CDC73: variants seen among roughly 807,000 people sequenced by gnomAD.
The protein encoded by CDC73 is cell division cycle 73, also known as parafibromin.
A neutral mutation model predicts 83.7 loss-of-function variants in CDC73; 21 were observed. The observed-to-expected ratio is 0.25, with a 90% confidence interval of 0.18 to 0.36. CDC73 has a LOEUF of 0.36. Ranked by LOEUF, CDC73 falls within the 10% of genes least tolerant of loss-of-function variation. The probability of loss-of-function intolerance (pLI) is 1.00; values close to 1 mark genes in which losing one functional copy is unlikely to be tolerated. For missense variants in CDC73, 342 were observed against 653.3 expected (o/e 0.52, Z 5.19); for synonymous variants, 224 against 212.9 (o/e 1.05, Z -0.45).
chr1:193,241,551 G>A (rs1473323821), intron 15 of CDC73, among the ~76,000 whole-genome samples: 2 of 152,216 alleles, frequency 1.3e-5, no homozygotes, highest in African/African-American at 4.8e-5. Flanking sequence ...CAGTAGCAGT[G>A]AAGGGGCAAC....
At chr1:193,235,709 A>G (rs1172531724) in intron 14 of CDC73, among the ~76,000 whole-genome samples, 1 of 152,208 alleles carries the variant, frequency 6.6e-6, no homozygotes, top group Non-Finnish European at 1.5e-5. Context: ...AACAATTGCA[A>G]AAATTATAAA....
intron 13 of CDC73, among the ~76,000 whole-genome samples, chr1:193,227,799 A>G (rs1465694997): frequency 6.6e-6 from 1 of 152,198 alleles, no homozygotes; most frequent in Non-Finnish European, 1.5e-5. Flanking sequence ...ATTATTATAT[A>G]TTGATAGGCC....
At chr1:193,236,078 G>T (rs1329635028) in intron 14 of CDC73, among the ~76,000 whole-genome samples, 178 bp from the exon 15 acceptor site, 1 of 152,152 alleles carries the variant, frequency 6.6e-6, no homozygotes, top group Non-Finnish European at 1.5e-5. Flanking sequence ...CATTCTAATG[G>T]CAATATCATA....
At chr1:193,163,327 A>C (rs1031342811) in intron 10 of CDC73, among the ~76,000 whole-genome samples, 13 of 151,816 alleles carry the variant, frequency 8.6e-5, no homozygotes, top group African/African-American at 3.1e-4. Flanking sequence ...GCAATTTGGC[A>C]AAATCCCGCC....
intron 2 of CDC73, among the ~76,000 whole-genome samples, chr1:193,129,089 C>T (rs1221525489): frequency 6.6e-6 from 1 of 151,546 alleles, no homozygotes; most frequent in Non-Finnish European, 1.5e-5. Flanking sequence ...CCTCTGCCGC[C>T]CAGGTTCAAG....
At chr1:193,137,904 C>G (rs1017461143) in intron 5 of CDC73, among the ~76,000 whole-genome samples, 181 bp from the exon 6 acceptor site, 7 of 152,136 alleles carry the variant, frequency 4.6e-5, no homozygotes, top group Non-Finnish European at 7.4e-5. Flanking sequence ...TCTTAAGATT[C>G]AACATATATT....
intron 8 of CDC73, among the ~76,000 whole-genome samples, chr1:193,149,856 C>A (rs75925764): frequency 6.6e-6 from 1 of 151,996 alleles, no homozygotes; most frequent in African/African-American, 2.4e-5. Flanking sequence ...AAAAAAAATA[C>A]GTCTTCAGTC....
intron 6 of CDC73, 145 bp downstream of exon 6, chr1:193,138,318 T>C (rs1675837723): frequency 4.4e-6 from 3 of 688,078 alleles, no homozygotes; most frequent in South Asian, 3.1e-5. Context: ...TAAGAACATG[T>C]GTGGGGATTG....
chr1:193,170,519 T>C (rs1179468208), intron 10 of CDC73, among the ~76,000 whole-genome samples: 2 of 152,210 alleles, frequency 1.3e-5, no homozygotes, highest in African/African-American at 4.8e-5. Context: ...TTGATTTCCA[T>C]TTCTCTAATG....
At chr1:193,138,949 A>G (rs1474708945) in intron 6 of CDC73, among the ~76,000 whole-genome samples, 2 of 150,538 alleles carry the variant, frequency 1.3e-5, no homozygotes, top group African/African-American at 4.9e-5. Flanking sequence ...TAATTTTTAT[A>G]CTTTTAGTAG....
At chr1:193,193,652 T>C (rs942557856) in intron 10 of CDC73, among the ~76,000 whole-genome samples, 1 of 152,180 alleles carries the variant, frequency 6.6e-6, no homozygotes, top group South Asian at 2.1e-4. Flanking sequence ...ATGAACATAT[T>C]GTATATTTCT....
intron 2 of CDC73, among the ~76,000 whole-genome samples, chr1:193,127,153 C>G (rs544920500): frequency 1.3e-4 from 20 of 152,002 alleles, no homozygotes; most frequent in African/African-American, 4.3e-4. Flanking sequence ...ACCTATACTC[C>G]CAGCTGGCTA....
intron 7 of CDC73, among the ~76,000 whole-genome samples, chr1:193,143,836 G>T (rs1675947438): frequency 6.6e-6 from 1 of 152,070 alleles, no homozygotes; most frequent in Non-Finnish European, 1.5e-5. Flanking sequence ...GAGGCTGGGT[G>T]CAGCGGCTCA....
intron 3 of CDC73, among the ~76,000 whole-genome samples, chr1:193,133,679 T>TA (rs1675734508): frequency 1.3e-5 from 2 of 152,106 alleles, no homozygotes; most frequent in Non-Finnish European, 2.9e-5. Context: ...TTCTGTATTA[T>TA]AAAAAACAAA....
At chr1:193,244,843 A>G (rs1015415475) in intron 15 of CDC73, among the ~76,000 whole-genome samples, 5 of 152,130 alleles carry the variant, frequency 3.3e-5, no homozygotes, top group African/African-American at 9.7e-5. Flanking sequence ...CATTTATACT[A>G]CCTGAGTGTT....
At chr1:193,148,718 C>T (rs2103131112) in intron 8 of CDC73, among the ~76,000 whole-genome samples, 1 of 138,272 alleles carries the variant, frequency 7.2e-6, no homozygotes, top group Non-Finnish European at 1.5e-5. Context: ...GATCTTGGCT[C>T]ACTGCAACCT....
intron 13 of CDC73, among the ~76,000 whole-genome samples, chr1:193,223,999 G>A (rs1677517281): frequency 6.6e-6 from 1 of 151,228 alleles, no homozygotes; most frequent in Non-Finnish European, 1.5e-5. Flanking sequence ...TCTTTATGTT[G>A]GAAATATTCA....
At chr1:193,198,798 G>A (rs759292641) in intron 10 of CDC73, among the ~76,000 whole-genome samples, 4 of 152,224 alleles carry the variant, frequency 2.6e-5, no homozygotes, top group Non-Finnish European at 4.4e-5. Context: ...AAAAGGCCCA[G>A]ATCTGTTCTG....
chr1:193,247,449 A>G lies in CDC73; in HGVS notation c.1418-2281A>G, dbSNP rs542957238. Among the ~76,000 whole-genome samples the G allele has an allele frequency of 2.8e-4, 42 of 152,016 alleles. 1 individual carries two copies. In the South Asian group the frequency reaches 4.6e-3, roughly 17 times the overall value. On this transcript the variant is annotated intron_variant, in intron 15 of 16. Coordinates refer to ENST00000367435, the MANE Select transcript of CDC73 (RefSeq NM_024529.5). ...ACACAGCAGTATTGAAATTAAGCCT[A>G]TTAATAACCCTACAGTGACCTCCAA...
Sources: allele counts gnomAD v4.1 joint callset (sites outside exome capture counted in the v4.1 genomes callset), GRCh38; gene constraint gnomAD v4.1.1; transcripts MANE v1.5; gene names NCBI Gene and HGNC (gene_info 2026-07-23, HGNC 2026-07-21).